Variants in FAM161A observed in about 807,000 individuals in gnomAD.
FAM161A encodes FAM161 centrosomal protein A, also known as protein FAM161A.
Under a neutral mutation model 70.9 loss-of-function variants are expected in FAM161A, and 57 were observed. The observed-to-expected ratio is 0.80, with a 90% CI of 0.65 to 1.00. The LOEUF (loss-of-function observed/expected upper bound fraction) is 1.00, where lower values mean the gene tolerates loss of function less well. FAM161A is among the 50% of genes least tolerant of loss of function. The pLI is 0.00. For missense variants in FAM161A, 880 were observed against 836.0 expected (o/e 1.05, Z -0.65); for synonymous variants, 299 against 295.7 (o/e 1.01, Z -0.12).
chr2:61,833,946 G>T (rs1350402373), intron 5 of FAM161A, among the ~76,000 whole-genome samples: 1 of 152,150 alleles, frequency 6.6e-6, no homozygotes, highest in Non-Finnish European at 1.5e-5. Flanking sequence ...GATCATCTGA[G>T]CCCAGGAGTT....
chr2:61,803,554 G>T, the FAM161A span, among the ~76,000 whole-genome samples: 9 of 152,320 alleles, frequency 5.9e-5, no homozygotes, highest in South Asian at 8.3e-4. Flanking sequence ...AGTGGCTTAC[G>T]CCTGTAATCC....
At chr2:61,812,501 CA>C in the FAM161A span, among the ~76,000 whole-genome samples, 1 of 151,988 alleles carries the variant, frequency 6.6e-6, no homozygotes, top group Non-Finnish European at 1.5e-5. Context: ...GCGGGTGGAT[CA>C]CCTGAGGTCA....
chr2:61,815,535 C>CTTTTTTTTTTTT, the FAM161A span, among the ~76,000 whole-genome samples: 4 of 53,240 alleles, frequency 7.5e-5, no homozygotes, highest in Non-Finnish European at 1.3e-4. Context: ...AAAGATGTGT[C>CTTTTTTTTTTTT]TTTTTTTTTT....
chr2:61,823,412 T>G (rs1019029966), downstream of FAM161A, among the ~76,000 whole-genome samples: 13 of 148,948 alleles, frequency 8.7e-5, no homozygotes, highest in South Asian at 2.1e-4. Flanking sequence ...CTTTGTTACC[T>G]AGGTTGGAGT....
At chr2:61,832,443 A>T (rs2105068099) in intron 5 of FAM161A, among the ~76,000 whole-genome samples, 1 of 152,354 alleles carries the variant, frequency 6.6e-6, no homozygotes, top group South Asian at 2.1e-4. Context: ...CTAGAATAAA[A>T]TAACAGTGAT....
chr2:61,853,795 G>A, intron 1 of FAM161A, 64 bp downstream of exon 1: 1 of 1,587,996 alleles, frequency 6.3e-7, no homozygotes, highest in Non-Finnish European at 8.6e-7. Flanking sequence ...GCGGGGAACC[G>A]GACAGCCCTC....
chr2:61,847,547 G>A (rs1370213239), intron 1 of FAM161A, among the ~76,000 whole-genome samples: 2 of 152,286 alleles, frequency 1.3e-5, no homozygotes, highest in Non-Finnish European at 2.9e-5. Context: ...GGGGCAGGTG[G>A]ATTGCTTGAG....
chr2:61,812,234 T>C, the FAM161A span, among the ~76,000 whole-genome samples: 1 of 152,108 alleles, frequency 6.6e-6, no homozygotes, highest in Non-Finnish European at 1.5e-5. Flanking sequence ...TCTCCAATCC[T>C]CCCCCAACTG....
At chr2:61,841,155 G>A (rs1340976057) in intron 2 of FAM161A, among the ~76,000 whole-genome samples, 1 of 152,138 alleles carries the variant, frequency 6.6e-6, no homozygotes, top group African/African-American at 2.4e-5. Context: ...ACTTTCCAGA[G>A]TCACTGTCCT....
chr2:61,823,362 C>CATATATATATATATATATATAT (rs59631970), downstream of FAM161A, among the ~76,000 whole-genome samples: 207 of 119,960 alleles, frequency 1.7e-3, 2 homozygotes, highest in Non-Finnish European at 2.6e-3. Context: ...AATTTTCCAT[C>CATATATATATATATATATATAT]ATATATATAT....
At chr2:61,824,095 C>G (rs559555708), downstream of FAM161A, among the ~76,000 whole-genome samples, 2 of 150,822 alleles carry the variant, frequency 1.3e-5, no homozygotes, top group Non-Finnish European at 2.9e-5. Context: ...GGTGCCATCT[C>G]GGCTCACTGC....
chr2:61,836,159 A>C (rs1216857669), intron 4 of FAM161A, 50 bp from the exon 5 acceptor site: 1 of 1,269,928 alleles, frequency 7.9e-7, no homozygotes, highest in African/African-American at 1.5e-5. Context: ...CTAAGAAATA[A>C]GAACTTACAT....
chr2:61,840,745 G>T (rs1807820), intron 2 of FAM161A, among the ~76,000 whole-genome samples, 164 bp from the exon 3 acceptor site: 2 of 151,846 alleles, frequency 1.3e-5, no homozygotes, highest in African/African-American at 2.4e-5. Flanking sequence ...CCACCTCCCA[G>T]GTTCAAGCAA....
chr2:61,801,742 G>C, the FAM161A span, among the ~76,000 whole-genome samples: 1 of 151,872 alleles, frequency 6.6e-6, no homozygotes, highest in South Asian at 2.1e-4. Context: ...TGTATTTTTA[G>C]TAGAGGTGGG....
rs767438143 is a variant in FAM161A at position 61,825,607 on chromosome 2, T to C, written c.*848A>G. On this transcript the variant is annotated 3_prime_UTR_variant, in exon 7 of 7. Transcript: ENST00000404929. ...AGTAAACTCTCAGTGCAAAAATAAA[T>C]GTAAATTTGCAAGTATCCATTTTTT... 3.4e-5 allele frequency: 15 copies of C among 441,278 alleles called. No individual in the cohort carries two copies. Among genetic ancestry groups the C allele is most frequent in the Non-Finnish European group, 6.7e-5 (15 of 223,668 alleles). The allele number at this position is 441,278 out of a possible 1,614,324, so 27.3% of individuals were successfully genotyped here. A position where few individuals can be genotyped will look rare whatever the true frequency, so the allele number is the denominator to read the frequency against.
intron 1 of FAM161A, among the ~76,000 whole-genome samples, chr2:61,849,875 C>T (rs1673436973): frequency 1.4e-5 from 1 of 70,358 alleles, no homozygotes. Context: ...TAACAGAAAA[C>T]CAAATATCAC....
chr2:61,827,478 T>TG (rs1276085381), intron 5 of FAM161A, among the ~76,000 whole-genome samples: 1 of 151,752 alleles, frequency 6.6e-6, no homozygotes. Flanking sequence ...GGCGTGGTGG[T>TG]GGCCGCCTGT....
chr2:61,815,004 A>T, the FAM161A span, among the ~76,000 whole-genome samples: 2 of 152,138 alleles, frequency 1.3e-5, no homozygotes, highest in African/African-American at 4.8e-5. Context: ...AGAGTGAGTG[A>T]TCAGCTCCGT....
chr2:61,806,438 A>T, the FAM161A span, among the ~76,000 whole-genome samples: 1 of 152,236 alleles, frequency 6.6e-6, no homozygotes, highest in Admixed American at 6.5e-5. Context: ...TGTCGTTGTC[A>T]TTGTGAGATA....
Sources: gnomAD v4.1 joint callset for allele counts (sites outside exome capture counted in the v4.1 genomes callset) on GRCh38, gnomAD v4.1.1 for gene constraint, MANE v1.5 for transcripts, NCBI Gene and HGNC (gene_info 2026-07-23, HGNC 2026-07-21) for gene names.